Variants in PCDHGA4 observed in about 807,000 individuals in gnomAD.
PCDHGA4 encodes protocadherin gamma subfamily A, 4, also known as protocadherin gamma-A4.
A neutral mutation model predicts 54.6 loss-of-function variants in PCDHGA4; 38 were observed. The observed-to-expected ratio is 0.70, with a 90% CI of 0.54 to 0.91. PCDHGA4 has a LOEUF of 0.91. PCDHGA4 is among the 40% of genes least tolerant of loss of function. The pLI, the probability that PCDHGA4 is intolerant of heterozygous loss-of-function variation, is 0.00. For synonymous variants in PCDHGA4, 511 were observed against 512.9 expected (o/e 1.00, Z 0.05); for missense variants, 1,298 against 1,220.9 (o/e 1.06, Z -0.94).
Position 141,355,192 on chromosome 5 carries a change from G to T in PCDHGA4, c.85G>T (p.Gly29Trp). 1 of 1,592,970 alleles carries T rather than the reference G, an allele frequency of 6.3e-7. No individual in the cohort carries two copies. The highest frequency in any genetic ancestry group is 1.1e-5 in the South Asian group (1 of 89,282). The change falls in exon 1 of 4, where the codon GGG becomes TGG. Residue 29 changes from glycine (G) to tryptophan (W), a missense_variant. By Grantham distance (184) the Gly-to-Trp change is radical (BLOSUM62 -2). Transcript: ENST00000571252. ...ACCGAAGCACAGGCGACTCCGCGGC[G>T]GGGTTGTAATGGCGGCGCCTCCTGC... ...GKPKHRRLRG[G>W]VVMAAPPARP... is the part of the protein sequence containing the mutation.
At chr5:141,388,597 A>G (rs1277451358) in intron 1 of PCDHGA4, 1 of 1,613,752 alleles carries the variant, frequency 6.2e-7, no homozygotes, top group Non-Finnish European at 8.5e-7. Context: ...GCCAATGATA[A>G]TGCTCCAGTG....
intron 1 of PCDHGA4, chr5:141,408,696 A>G (rs768439069): frequency 6.2e-7 from 1 of 1,613,648 alleles, no homozygotes; most frequent in East Asian, 2.2e-5. Context: ...ATAAACATAA[A>G]CTCAATTAAA....
chr5:141,503,608 A>AAAAAAAG (rs1483073868), intron 2 of PCDHGA4, among the ~76,000 whole-genome samples: 1 of 151,994 alleles, frequency 6.6e-6, no homozygotes, highest in East Asian at 1.9e-4. Flanking sequence ...CAAAAAAAAA[A>AAAAAAAG]AAAAAAGAAA....
At position 141,505,394 on chromosome 5, in the gene PCDHGA4, T is replaced by C; in HGVS notation, c.2575T>C (p.Ser859Pro). 6.2e-7 allele frequency: 1 copy of C among 1,614,110 alleles called. No homozygotes were observed. The highest frequency in any genetic ancestry group is 8.5e-7 in the Non-Finnish European group (1 of 1,180,002). The part of the protein sequence containing the change: ...SQAQRPGTSG[S>P]QNGDDTGTWP... ...CTCACCATCCTACTCTCTCCCCAGC[T>C]CCCAAAATGGCGATGACACCGGCAC... Residue 859 changes from serine (S) to proline (P), a missense_variant and splice_region_variant, in exon 3 of 4, where the codon TCC becomes CCC. By Grantham distance (74) the Ser-to-Pro change is moderately conservative. Coordinates refer to ENST00000571252, the MANE Select transcript of PCDHGA4 (RefSeq NM_018917.4).
At chr5:141,384,205 ACT>A (rs1561601043) in intron 1 of PCDHGA4, 2 of 1,613,874 alleles carry the variant, frequency 1.2e-6, no homozygotes, top group East Asian at 2.2e-5. Context: ...GTCCAGGGAA[ACT>A]CACATATTCA....
chr5:141,362,331 C>A, intron 1 of PCDHGA4: 1 of 1,614,076 alleles, frequency 6.2e-7, no homozygotes. Flanking sequence ...CTGGTCTCAG[C>A]TCCAAGCCTG....
In PCDHGA4 at chr5:141,355,845, C is replaced by G; in HGVS notation, c.738C>G (p.Phe246Leu). 1 of 1,612,278 alleles carries G rather than the reference C, an allele frequency of 6.2e-7. No individual in the cohort carries two copies. The highest frequency in any genetic ancestry group is 2.2e-5 in the East Asian group (1 of 44,808). Residue 246 changes from phenylalanine to leucine, a missense_variant, in exon 1 of 4, where the codon TTC becomes TTG. By Grantham distance (22) the Phe-to-Leu change is conservative. Coordinates refer to ENST00000571252, the MANE Select transcript of PCDHGA4 (RefSeq NM_018917.4). ...TTCACCACCTCGTTCTCACGGCCTTCGATGGAGGTGACCCGGTTCGCTCTG... is the reference window on the plus strand; with the variant it reads ...TTCACCACCTCGTTCTCACGGCCTTGGATGGAGGTGACCCGGTTCGCTCTG... The part of the protein sequence containing the change: ...EAVHHLVLTA[F>L]DGGDPVRSGT...
intron 1 of PCDHGA4, chr5:141,390,167 G>A: frequency 6.2e-7 from 1 of 1,614,028 alleles, no homozygotes; most frequent in Non-Finnish European, 8.5e-7. Context: ...GAAAGACGGA[G>A]TTTAATTTCC....
chr5:141,433,883 G>A (rs1051019240), intron 1 of PCDHGA4, among the ~76,000 whole-genome samples: 1 of 149,932 alleles, frequency 6.7e-6, no homozygotes, highest in Non-Finnish European at 1.5e-5. Flanking sequence ...ATCCATTGAT[G>A]ACACTTGCTT....
chr5:141,371,233 C>T lies in PCDHGA4; in HGVS notation c.2514+13612C>T, dbSNP rs773899616. 4 of 1,613,864 alleles carry T rather than the reference C, an allele frequency of 2.5e-6. No individual in the cohort carries two copies. The Admixed American group carries it at 5.0e-5, about 20-fold the overall frequency. ...GGCATCAATGCCGAAATCATCTATG[C>T]CTTCATCAATATTGGCAAGGAAGTG... On this transcript the variant is annotated intron_variant, in intron 1 of 3. Transcript: ENST00000571252.
At position 141,412,987 on chromosome 5, in the gene PCDHGA4, A is replaced by G. The variant is rs192699644; in HGVS notation, c.2514+55366A>G. The G allele has an allele frequency of 3.7e-3, 2,104 of 564,638 alleles. 8 individuals carry two copies. Among genetic ancestry groups the G allele is most frequent in the Admixed American group, 0.011 (308 of 27,526 alleles). 35.0% of individuals were successfully genotyped at this position (564,638 alleles called of 1,614,324 possible). ...AGGAGAGAAAACGCAGCCAGAGCTCAATCCGGATTCTCAGGGCTTCAACTA... is the reference window on the plus strand; with the variant it reads ...AGGAGAGAAAACGCAGCCAGAGCTCGATCCGGATTCTCAGGGCTTCAACTA... On this transcript the variant is annotated intron_variant, in intron 1 of 3. Transcript: ENST00000571252.
intron 1 of PCDHGA4, chr5:141,419,306 C>A: frequency 1.9e-6 from 3 of 1,614,032 alleles, no homozygotes; most frequent in Non-Finnish European, 2.5e-6. Context: ...AGACTTCGGG[C>A]TCAACGGCCG....
chr5:141,484,123 T>C (rs2099592351), intron 1 of PCDHGA4, among the ~76,000 whole-genome samples: 1 of 152,174 alleles, frequency 6.6e-6, no homozygotes, highest in South Asian at 2.1e-4. Flanking sequence ...AAGAATACCT[T>C]GGTGTCAGAT....
At position 141,487,666 on chromosome 5, in the gene PCDHGA4, C is replaced by T. The variant is rs2099657736; in HGVS notation, c.2515-7141C>T. 1 of 1,612,838 alleles carries T rather than the reference C, an allele frequency of 6.2e-7. No homozygotes were observed. Among genetic ancestry groups the T allele is most frequent in the South Asian group, 1.1e-5 (1 of 90,712 alleles). Reference sequence around the variant, plus strand: ...TGCTTGAGGGTTATTCTGATCCAGGCATATGGCTAGGCCATGTCCTAGAGA... The same window carrying T: ...TGCTTGAGGGTTATTCTGATCCAGGTATATGGCTAGGCCATGTCCTAGAGA... On this transcript the variant is annotated intron_variant, in intron 1 of 3. Coordinates refer to ENST00000571252, the MANE Select transcript of PCDHGA4 (RefSeq NM_018917.4). This position sits in a 1 kb window ranked among gnomAD's most constrained non-coding sequence, Gnocchi z 5.0.
At chr5:141,433,056 G>A (rs1422450948) in intron 1 of PCDHGA4, 1 of 1,614,204 alleles carries the variant, frequency 6.2e-7, no homozygotes, top group South Asian at 1.1e-5. Context: ...TCGCGGAAGA[G>A]TCACCTGATC....
Position 141,475,143 on chromosome 5 carries a change from T to TC in PCDHGA4, c.2515-19662dup, listed in dbSNP as rs372338581. On this transcript the variant is annotated intron_variant, in intron 1 of 3. Transcript: ENST00000571252. ...GGCTTTTTTTCTTTTTGAAATCTTC[T>TC]CCGTCTTCTTCTTCATTAGCAGTGC... Among the ~76,000 whole-genome samples the TC allele has an allele frequency of 4.9e-3, 751 of 152,356 alleles. 5 individuals carry two copies. Among genetic ancestry groups the TC allele is most frequent in the Non-Finnish European group, 6.5e-3 (439 of 68,034 alleles).
At position 141,490,707 on chromosome 5, in the gene PCDHGA4, C is replaced by T; in HGVS notation, c.2515-4100C>T. ...CAGACACTGGGGATAATGCCCGCCT[C>T]ACCTACTCCATTGTAGGAAATCAGG... On this transcript the variant is annotated intron_variant, in intron 1 of 3. Transcript: ENST00000571252. The surrounding 1 kb of genome is among the most constrained non-coding windows in gnomAD (Gnocchi z 5.4). The T allele has an allele frequency of 3.1e-6, 5 of 1,614,194 alleles. No individual in the cohort carries two copies. Among genetic ancestry groups the T allele is most frequent in the Non-Finnish European group, 3.4e-6 (4 of 1,180,008 alleles).
intron 1 of PCDHGA4, chr5:141,422,654 C>T: frequency 1.2e-6 from 2 of 1,610,030 alleles, no homozygotes; most frequent in Non-Finnish European, 1.7e-6. Flanking sequence ...TTCTCAGTGA[C>T]CGCCCTCGAC....
At chr5:141,428,018 C>A in intron 1 of PCDHGA4, 12 of 1,604,570 alleles carry the variant, frequency 7.5e-6, no homozygotes, top group Middle Eastern at 1.7e-4. Context: ...TAGTGCCACG[C>A]GCCGCAGAGT....
Sources: gnomAD v4.1 joint callset for allele counts (sites outside exome capture counted in the v4.1 genomes callset) on GRCh38, gnomAD v4.1.1 for gene constraint, Gnocchi (gnomAD v3.1) non-coding constraint, MANE v1.5 for transcripts, NCBI Gene and HGNC (gene_info 2026-07-23, HGNC 2026-07-21) for gene names.